The following CACNG4 variants were observed in gnomAD, a reference collection of about 807,000 sequenced individuals.
CACNG4 encodes calcium voltage-gated channel auxiliary subunit gamma 4, also known as voltage-dependent calcium channel gamma-4 subunit.
Under a neutral mutation model 22.9 loss-of-function variants are expected in CACNG4, and 8 were observed. The observed-to-expected ratio is 0.35, with a 90% CI of 0.21 to 0.63. The LOEUF is 0.63. CACNG4 is among the 30% of genes least tolerant of loss of function. CACNG4 has a pLI of 0.72. For synonymous variants in CACNG4, 188 were observed against 191.9 expected, an observed-to-expected ratio of 0.98 and a Z score of 0.17; for missense variants, 357 against 455.4, an observed-to-expected ratio of 0.78 and a Z score of 1.97.
At chr17:66,972,050 G>C (rs1425912751) in intron 1 of CACNG4, among the ~76,000 whole-genome samples, 2 of 152,298 alleles carry the variant, frequency 1.3e-5, no homozygotes, top group East Asian at 3.9e-4. Flanking sequence ...GTGGAGGGAT[G>C]GCCCGGAGAA....
intron 1 of CACNG4, among the ~76,000 whole-genome samples, chr17:66,979,041 C>T (rs1042124850): frequency 6.6e-6 from 1 of 151,062 alleles, no homozygotes; most frequent in Non-Finnish European, 1.5e-5. Context: ...CCCCTTCCCT[C>T]ACCCTGGTGG....
At chr17:67,020,627 A>G (rs2035526287) in intron 2 of CACNG4, among the ~76,000 whole-genome samples, 1 of 152,186 alleles carries the variant, frequency 6.6e-6, no homozygotes, top group Admixed American at 6.5e-5. Context: ...CCTAAAACCA[A>G]GCTCTGCATG....
chr17:66,987,337 C>T (rs2035310985), intron 1 of CACNG4, among the ~76,000 whole-genome samples: 1 of 152,210 alleles, frequency 6.6e-6, no homozygotes, highest in Non-Finnish European at 1.5e-5. Flanking sequence ...ATAGAGTCAA[C>T]ATATCACCCT....
At chr17:66,990,647 C>CTTAGT (rs1555577344) in intron 1 of CACNG4, among the ~76,000 whole-genome samples, 1 of 148,522 alleles carries the variant, frequency 6.7e-6, no homozygotes, top group Non-Finnish European at 1.5e-5. Context: ...TCTAAGTCTC[C>CTTAGT]TTATTTTATT....
chr17:66,989,013 ATCAT>A (rs2035322052), intron 1 of CACNG4, among the ~76,000 whole-genome samples: 3 of 145,726 alleles, frequency 2.1e-5, no homozygotes, highest in African/African-American at 5.2e-5. Flanking sequence ...GTGAGCCAAG[ATCAT>A]GCCACTGTAC....
intron 1 of CACNG4, among the ~76,000 whole-genome samples, chr17:66,982,872 C>T (rs970385246): frequency 9.9e-5 from 15 of 152,206 alleles, no homozygotes; most frequent in Non-Finnish European, 1.9e-4. Flanking sequence ...GCAAACTCTA[C>T]TGTGGTTCCT....
intron 1 of CACNG4, among the ~76,000 whole-genome samples, chr17:67,007,111 G>C (rs1318709010): frequency 6.6e-6 from 1 of 152,108 alleles, no homozygotes; most frequent in African/African-American, 2.4e-5. Context: ...GGAGGCAGAG[G>C]TTGCAGTGAG....
chr17:66,965,552 G>C (rs895767283), intron 1 of CACNG4, among the ~76,000 whole-genome samples: 2 of 150,722 alleles, frequency 1.3e-5, no homozygotes, highest in African/African-American at 4.9e-5. Flanking sequence ...TGGGGTTGGG[G>C]GGAGCGGACG....
In CACNG4 at chr17:67,028,329, G is replaced by A. The variant is rs189545354; in HGVS notation, c.446-2137G>A. On this transcript the variant is annotated intron_variant, in intron 3 of 3. Transcript: ENST00000262138. ...AGCACTTTGGGAGGCTGAGGCGGGC[G>A]GATCACAAGCTCAGGAGATCGAGAC... Among the ~76,000 whole-genome samples the A allele has an allele frequency of 5.0e-3, 755 of 152,224 alleles. 4 individuals carry two copies. Among genetic ancestry groups the A allele is most frequent in the African/African-American group, 0.017 (707 of 41,536 alleles).
intron 3 of CACNG4, among the ~76,000 whole-genome samples, chr17:67,025,970 C>T (rs1402374532): frequency 6.6e-6 from 1 of 152,196 alleles, no homozygotes; most frequent in Non-Finnish European, 1.5e-5. Flanking sequence ...GTGTGGAGTG[C>T]GTGCATCTGC....
chr17:67,024,970 C>A lies in CACNG4; in HGVS notation c.415C>A (p.Leu139Ile). 6.2e-7 allele frequency: 1 copy of A among 1,603,678 alleles called. No homozygotes were observed. Among genetic ancestry groups the A allele is most frequent in the East Asian group, 2.3e-5 (1 of 44,056 alleles). The change falls in exon 3 of 4, where the codon CTC (leucine) becomes ATC (isoleucine). Residue 139 changes from leucine (L) to isoleucine (I), a missense_variant. By Grantham distance (5) the Leu-to-Ile change is conservative. Coordinates refer to ENST00000262138, the MANE Select transcript of CACNG4 (RefSeq NM_014405.4). Reference protein sequence around the residue: ...RIYSRKNNIVLSAGILFVAAG... With the variant: ...RIYSRKNNIVISAGILFVAAG... The stretch of plus-strand genomic sequence containing the variant: ...CTACAGCCGCAAGAACAACATCGTC[C>A]TCAGTGCCGGCATCCTCTTCGTGGC...
intron 1 of CACNG4, among the ~76,000 whole-genome samples, chr17:66,969,795 C>A (rs959245986): frequency 6.6e-6 from 1 of 152,168 alleles, no homozygotes; most frequent in African/African-American, 2.4e-5. Context: ...ACCACACTCC[C>A]TACATAGGAC....
At position 67,032,037 on chromosome 17, in the gene CACNG4, C is replaced by A; in HGVS notation, c.*1033C>A. 2.2e-6 allele frequency: 1 copy of A among 449,490 alleles called. No homozygotes were observed. Among genetic ancestry groups the A allele is most frequent in the Non-Finnish European group, 4.5e-6 (1 of 224,674 alleles). The allele number at this position is 449,490 out of a possible 1,614,324, so 27.8% of individuals were successfully genotyped here. ...GGTGGTTACAAATCATAACTTCCTGCAAATCAACGCCAGGAGAGCAACTTA... is the reference window on the plus strand; with the variant it reads ...GGTGGTTACAAATCATAACTTCCTGAAAATCAACGCCAGGAGAGCAACTTA... On this transcript the variant is annotated 3_prime_UTR_variant, in exon 4 of 4. Transcript: ENST00000262138.
At chr17:67,016,296 A>G (rs1291038491) in intron 1 of CACNG4, among the ~76,000 whole-genome samples, 1 of 152,088 alleles carries the variant, frequency 6.6e-6, no homozygotes, top group Non-Finnish European at 1.5e-5. Context: ...GGACACTCCT[A>G]GCATCACCTC....
At chr17:66,992,919 G>A (rs8064884) in intron 1 of CACNG4, among the ~76,000 whole-genome samples, 33,453 of 152,262 alleles carry the variant, frequency 0.22, 6,747 homozygotes, top group African/African-American at 0.54. Context: ...AAAACCCCAG[G>A]TAGAACCATC....
At chr17:66,969,348 C>T (rs2035190377) in intron 1 of CACNG4, among the ~76,000 whole-genome samples, 1 of 152,236 alleles carries the variant, frequency 6.6e-6, no homozygotes, top group Non-Finnish European at 1.5e-5. Context: ...CGTGCCCCTC[C>T]CCCAACCTGA....
rs199939691 is a variant in CACNG4, at chr17:67,030,654, G to C, written c.634G>C (p.Glu212Gln). 8.7e-6 allele frequency: 14 copies of C among 1,614,220 alleles called. No individual in the cohort carries two copies. In the East Asian group the frequency reaches 1.8e-4, roughly 21 times the overall value. Residue 212 changes from glutamate to glutamine, a missense_variant, in exon 4 of 4, where the codon GAG becomes CAG. By Grantham distance (29) the Glu-to-Gln change is conservative. Around this residue, in one of 3 missense-constraint regions of CACNG4, gnomAD observed 240 missense variants for 277.6 expected, o/e 0.86. Transcript: ENST00000262138. This position sits in a 1 kb window ranked among gnomAD's most constrained non-coding sequence, Gnocchi z 6.4. ...AVNIYIEKNK[E>Q]LRFKTKREFL... The stretch of plus-strand genomic sequence containing the variant: ...AAACATTTACATTGAGAAAAATAAA[G>C]AGTTGAGGTTTAAGACCAAACGGGA...
intron 3 of CACNG4, among the ~76,000 whole-genome samples, chr17:67,026,082 G>C (rs2035563229): frequency 6.6e-6 from 1 of 151,662 alleles, no homozygotes; most frequent in Non-Finnish European, 1.5e-5. Context: ...TGAGGACTGT[G>C]GTGTGTTTGT....
Position 67,030,520 on chromosome 17 carries a change from C to T in CACNG4, c.500C>T (p.Pro167Leu), listed in dbSNP as rs1429761313. The T allele has an allele frequency of 3.1e-6, 5 of 1,613,986 alleles. No homozygotes were observed. The Admixed American group carries it at 6.7e-5, about 22-fold the overall frequency. The part of the protein sequence containing the change: ...IVYISSNTGD[P>L]SDKRDEDKKN... ...TACATTTCCAGCAACACAGGTGACC[C>T]GAGTGACAAGCGGGACGAAGACAAA... The change falls in exon 4 of 4, where the codon CCG becomes CTG. Residue 167 changes from proline (P) to leucine (L), a missense_variant. Physicochemically the swap from Pro to Leu is moderately conservative, Grantham distance 98. This residue lies in a region of CACNG4 where 240 missense variants were observed against 277.6 expected (regional missense o/e 0.86). Transcript: ENST00000262138. This position sits in a 1 kb window ranked among gnomAD's most constrained non-coding sequence, Gnocchi z 6.4.
Sources: allele counts gnomAD v4.1 joint callset (sites outside exome capture counted in the v4.1 genomes callset), GRCh38; gene constraint gnomAD v4.1.1; regional missense constraint gnomAD v4.1.1; non-coding constraint Gnocchi (gnomAD v3.1); transcripts MANE v1.5; gene names NCBI Gene and HGNC (gene_info 2026-07-23, HGNC 2026-07-21).